Variants in SNX29 observed in about 807,000 individuals in gnomAD.
SNX29 encodes the protein sorting nexin 29.
Under a neutral mutation model 102.1 loss-of-function variants are expected in SNX29, and 78 were observed. The observed-to-expected ratio is 0.76, with a 90% confidence interval of 0.64 to 0.92. SNX29 has a LOEUF of 0.92. Among genes scored for constraint, SNX29 ranks in the 40% least tolerant of loss-of-function variants. The probability of loss-of-function intolerance (pLI) is 0.00; values close to 1 mark genes in which losing one functional copy is unlikely to be tolerated. For synonymous variants in SNX29, 580 were observed against 414.5 expected, an observed-to-expected ratio of 1.40 and a Z score of -4.85; for missense variants, 1,280 against 1,061.7, an observed-to-expected ratio of 1.21 and a Z score of -2.86.
chr16:12,061,536 A>AACACCTACCTCTCCC lies in SNX29; in HGVS notation c.1134_1135insCACCTACCTCTCCCA (p.Glu378_Gly379insHisLeuProLeuPro), dbSNP rs769794609. 9 of 1,602,464 alleles carry AACACCTACCTCTCCC rather than the reference A, an allele frequency of 5.6e-6. No homozygotes were observed. Among genetic ancestry groups the AACACCTACCTCTCCC allele is most frequent in the Non-Finnish European group, 7.7e-6 (9 of 1,175,522 alleles). ...GTATTCTTTCACCTTAGGCCACTGG[A>AACACCTACCTCTCCC]AGGGAACACCTGCCTCTCCCAGATG... On this transcript the variant is annotated inframe_insertion, in exon 9 of 21. Transcript: ENST00000566228.
Position 12,013,132 on chromosome 16 carries a change from G to C in SNX29, c.122+10089G>C, listed in dbSNP as rs552344689. 2.4e-4 allele frequency among the ~76,000 whole-genome samples: 36 copies of C among 151,614 alleles called. 1 individual carries two copies. Among genetic ancestry groups the C allele is most frequent in the African/African-American group, 8.5e-4 (35 of 41,414 alleles). ...GAGGTTTGGGACTGAGCCTTGATGA[G>C]ATTCAGTGATTACCCAGATGTGGAG... is the stretch of plus-strand genomic sequence containing the variant. On this transcript the variant is annotated intron_variant, in intron 3 of 20. Coordinates refer to ENST00000566228, the MANE Select transcript of SNX29 (RefSeq NM_032167.5).
chr16:12,384,777 T>C (rs2083288343), intron 16 of SNX29, among the ~76,000 whole-genome samples: 1 of 152,220 alleles, frequency 6.6e-6, no homozygotes, highest in African/African-American at 2.4e-5. Flanking sequence ...TTAAGTAACT[T>C]TCTTAGAAAG....
intron 13 of SNX29, chr16:12,135,402 T>C (rs374202829): frequency 7.3e-6 from 5 of 686,500 alleles, no homozygotes; most frequent in East Asian, 1.0e-4. Flanking sequence ...CTCCAGAGGA[T>C]GGCAGCCCAC....
chr16:12,476,825 C>T (rs74631872), intron 18 of SNX29, among the ~76,000 whole-genome samples: 1 of 152,052 alleles, frequency 6.6e-6, no homozygotes, highest in African/African-American at 2.4e-5. Flanking sequence ...GTGGCTTTCA[C>T]GTAGGAACAG....
chr16:12,163,783 G>C (rs958592368), intron 13 of SNX29, among the ~76,000 whole-genome samples: 1 of 152,194 alleles, frequency 6.6e-6, no homozygotes, highest in African/African-American at 2.4e-5. Context: ...CTCTGTTGGA[G>C]AGAACGGACC....
intron 14 of SNX29, among the ~76,000 whole-genome samples, chr16:12,210,685 G>A (rs1468805149): frequency 6.6e-6 from 1 of 151,906 alleles, no homozygotes; most frequent in East Asian, 1.9e-4. Flanking sequence ...TCAGGTTGTA[G>A]CCAAGGTGTC....
intron 20 of SNX29, among the ~76,000 whole-genome samples, chr16:12,552,928 T>A (rs1008567296): frequency 2.6e-5 from 4 of 152,246 alleles, no homozygotes; most frequent in African/African-American, 7.2e-5. Flanking sequence ...TGATTGCTCC[T>A]GGCCTTATAT....
chr16:12,423,674 C>G (rs11075071), intron 18 of SNX29, among the ~76,000 whole-genome samples: 94,088 of 151,968 alleles, frequency 0.62, 29,295 homozygotes, highest in Middle Eastern at 0.66. Context: ...GTGTTCAAAC[C>G]ATTCTCCTGT....
rs1175555554 is a variant in SNX29 at position 12,322,802 on chromosome 16, A to G, written c.1783-33361A>G. Reference sequence around the variant, plus strand: ...CAGTCAGTAGGGGGCCACTGTCAGGATATGGTCACTGGAATCACTGATGAC... The same window carrying G: ...CAGTCAGTAGGGGGCCACTGTCAGGGTATGGTCACTGGAATCACTGATGAC... On this transcript the variant is annotated intron_variant, in intron 15 of 20. Coordinates refer to ENST00000566228, the MANE Select transcript of SNX29 (RefSeq NM_032167.5). Among the ~76,000 whole-genome samples the G allele has an allele frequency of 7.6e-5, 6 of 78,574 alleles. 1 individual carries two copies. In the East Asian group the frequency reaches 1.9e-3, roughly 25 times the overall value. 51.5% of individuals were successfully genotyped at this position (78,574 alleles called of 152,430 possible).
At position 12,526,351 on chromosome 16, in the gene SNX29, C is replaced by G. The variant is rs147427988; in HGVS notation, c.2318+1510C>G. ...GCGGTACCATCCAGATCGACATGAGCAGCTGCCTGTCTTCCCTGCCTAGGC... is the reference window on the plus strand; with the variant it reads ...GCGGTACCATCCAGATCGACATGAGGAGCTGCCTGTCTTCCCTGCCTAGGC... On this transcript the variant is annotated intron_variant, in intron 20 of 20. Coordinates refer to ENST00000566228, the MANE Select transcript of SNX29 (RefSeq NM_032167.5). Among the ~76,000 whole-genome samples the G allele has an allele frequency of 2.2e-4, 34 of 152,240 alleles. 1 individual carries two copies. The East Asian group carries it at 6.6e-3, about 29-fold the overall frequency.
chr16:11,996,432 T>A (rs1319687489), intron 1 of SNX29, among the ~76,000 whole-genome samples: 1 of 152,190 alleles, frequency 6.6e-6, no homozygotes, highest in Non-Finnish European at 1.5e-5. Context: ...CTCCAGGAGA[T>A]CTGTGTGGAC....
chr16:12,011,550 T>C (rs2056655962), intron 3 of SNX29, among the ~76,000 whole-genome samples: 1 of 152,144 alleles, frequency 6.6e-6, no homozygotes, highest in Non-Finnish European at 1.5e-5. Context: ...GCTGGGATTA[T>C]AGGCGTGAGT....
intron 1 of SNX29, among the ~76,000 whole-genome samples, chr16:11,992,641 T>C (rs1321121275): frequency 1.3e-5 from 2 of 152,142 alleles, no homozygotes; most frequent in Non-Finnish European, 2.9e-5. Context: ...GAAGGAACAC[T>C]TGCCTGAGAG....
At chr16:12,241,919 C>T (rs961725043) in intron 14 of SNX29, among the ~76,000 whole-genome samples, 1 of 152,106 alleles carries the variant, frequency 6.6e-6, no homozygotes, top group African/African-American at 2.4e-5. Flanking sequence ...AAGGGGGCTC[C>T]TGCCTCTGTG....
At chr16:12,445,205 T>G (rs1286003462) in intron 18 of SNX29, among the ~76,000 whole-genome samples, 3 of 152,148 alleles carry the variant, frequency 2.0e-5, no homozygotes, top group Non-Finnish European at 4.4e-5. Flanking sequence ...CCATGTCCAT[T>G]CATTAATTTA....
chr16:12,522,903 C>A (rs898041452), intron 19 of SNX29, among the ~76,000 whole-genome samples: 1 of 152,166 alleles, frequency 6.6e-6, no homozygotes, highest in African/African-American at 2.4e-5. Flanking sequence ...CTCTACCTCT[C>A]GGGCTTAAGC....
At chr16:12,363,569 C>G (rs1199831228) in intron 16 of SNX29, among the ~76,000 whole-genome samples, 2 of 152,222 alleles carry the variant, frequency 1.3e-5, no homozygotes, top group African/African-American at 4.8e-5. Context: ...TGCTGGCCCT[C>G]ATGTCCCATT....
At position 12,129,517 on chromosome 16, in the gene SNX29, G is replaced by T. The variant is rs1232119404; in HGVS notation, c.1467-113G>T. 5 of 1,334,830 alleles carry T rather than the reference G, an allele frequency of 3.7e-6. No homozygotes were observed. In the Admixed American group the frequency reaches 9.1e-5, roughly 24 times the overall value. 82.7% of individuals were successfully genotyped at this position (1,334,830 alleles called of 1,614,324 possible). ...ATAGACTTGAATTATGGTTTATGCA[G>T]AGCCTTGTGGAAAACGCATGGCTTA... is the stretch of plus-strand genomic sequence containing the variant. On this transcript the variant is annotated intron_variant, in intron 12 of 20. Coordinates refer to ENST00000566228, the MANE Select transcript of SNX29 (RefSeq NM_032167.5).
intron 11 of SNX29, among the ~76,000 whole-genome samples, chr16:12,125,643 A>G (rs2054181319): frequency 2.0e-5 from 1 of 50,042 alleles, no homozygotes; most frequent in African/African-American, 5.8e-5. Context: ...TTTTTTTTTG[A>G]GATGAGGTCT....
Sources: allele counts gnomAD v4.1 joint callset (sites outside exome capture counted in the v4.1 genomes callset), GRCh38; gene constraint gnomAD v4.1.1; transcripts MANE v1.5; gene names NCBI Gene and HGNC (gene_info 2026-07-23, HGNC 2026-07-21).